Variants in C12orf42 observed in about 807,000 individuals in gnomAD.
C12orf42 encodes uncharacterized protein C12orf42.
A neutral mutation model predicts 21.6 loss-of-function variants in C12orf42; 25 were observed. That is an observed-to-expected ratio of 1.16 (90% CI 0.84 to 1.62). The LOEUF is 1.62. C12orf42 is among the 40% of genes most tolerant of loss of function. The pLI is 0.00. For missense variants in C12orf42, 483 were observed against 459.3 expected (o/e 1.05, Z -0.47); for synonymous variants, 174 against 175.0 (o/e 0.99, Z 0.05).
intron 5 of C12orf42, among the ~76,000 whole-genome samples, chr12:103,305,638 G>T (rs1025217970): frequency 3.3e-5 from 5 of 152,090 alleles, no homozygotes; most frequent in Non-Finnish European, 7.3e-5. Flanking sequence ...ATTATATGAG[G>T]ATTTCATAAA....
intron 3 of C12orf42, among the ~76,000 whole-genome samples, chr12:103,372,748 G>A (rs1035976863): frequency 6.6e-6 from 1 of 152,126 alleles, no homozygotes; most frequent in Non-Finnish European, 1.5e-5. Flanking sequence ...TAGGAAAACT[G>A]AGGCACCAAA....
At chr12:103,193,315 C>T in the C12orf42 span, among the ~76,000 whole-genome samples, 5 of 150,982 alleles carry the variant, frequency 3.3e-5, no homozygotes, top group Non-Finnish European at 5.9e-5. Context: ...TAAACAATCT[C>T]ATAGTTTACC....
At chr12:103,071,861 C>T in the C12orf42 span, among the ~76,000 whole-genome samples, 3 of 152,022 alleles carry the variant, frequency 2.0e-5, no homozygotes, top group African/African-American at 7.2e-5. Flanking sequence ...TCCACCCAGA[C>T]CAAAAATAGG....
At chr12:103,257,191 G>C (rs1458214403) in intron 10 of C12orf42, among the ~76,000 whole-genome samples, 1 of 152,060 alleles carries the variant, frequency 6.6e-6, no homozygotes, top group East Asian at 1.9e-4. Context: ...ACACACACTG[G>C]AGCCTTTCAA....
the C12orf42 span, among the ~76,000 whole-genome samples, chr12:103,165,765 G>A: frequency 6.6e-6 from 1 of 152,072 alleles, no homozygotes; most frequent in Non-Finnish European, 1.5e-5. Context: ...AACCAGGCCG[G>A]GCGCGGTGGC....
At chr12:103,218,188 G>A in the C12orf42 span, among the ~76,000 whole-genome samples, 1 of 151,664 alleles carries the variant, frequency 6.6e-6, no homozygotes, top group Non-Finnish European at 1.5e-5. Flanking sequence ...GCTGAGGCAG[G>A]AGAATCACTT....
chr12:103,451,286 G>A (rs1323503639), intron 2 of C12orf42, among the ~76,000 whole-genome samples: 2 of 152,102 alleles, frequency 1.3e-5, no homozygotes, highest in South Asian at 2.1e-4. Flanking sequence ...GAGCGCAGAA[G>A]CACAATCATA....
At chr12:103,261,497 A>AG (rs2034899771) in intron 10 of C12orf42, among the ~76,000 whole-genome samples, 1 of 149,380 alleles carries the variant, frequency 6.7e-6, no homozygotes, top group South Asian at 2.1e-4. Context: ...AAAAAAAAAA[A>AG]AGTATGGTTC....
chr12:103,331,295 A>C (rs1186532804), intron 4 of C12orf42, among the ~76,000 whole-genome samples: 1 of 152,230 alleles, frequency 6.6e-6, no homozygotes, highest in Admixed American at 6.5e-5. Context: ...TATTATGTCA[A>C]TATTGCCATG....
At chr12:103,283,534 C>A (rs1286838303) in intron 4 of C12orf42, among the ~76,000 whole-genome samples, 1 of 152,216 alleles carries the variant, frequency 6.6e-6, no homozygotes, top group Non-Finnish European at 1.5e-5. Flanking sequence ...ATCACAGTCC[C>A]TTCACTCCTT....
intron 4 of C12orf42, among the ~76,000 whole-genome samples, chr12:103,314,321 G>T (rs972963475): frequency 2.6e-5 from 4 of 152,132 alleles, no homozygotes; most frequent in African/African-American, 9.7e-5. Context: ...AATTTAGAAG[G>T]CAGCCGGCAG....
At chr12:103,349,102 CTTAG>C (rs948793169) in intron 4 of C12orf42, 7 of 152,282 alleles carry the variant, frequency 4.6e-5, no homozygotes, top group East Asian at 1.9e-4. Flanking sequence ...GGTCACATGA[CTTAG>C]TTAAAGTCTG....
At chr12:103,395,614 C>T (rs953036175) in intron 3 of C12orf42, among the ~76,000 whole-genome samples, 2 of 152,198 alleles carry the variant, frequency 1.3e-5, no homozygotes, top group Non-Finnish European at 2.9e-5. Flanking sequence ...GGATTACAGG[C>T]GTGAGCCACC....
At chr12:103,538,701 C>T in the C12orf42 span, among the ~76,000 whole-genome samples, 1 of 152,238 alleles carries the variant, frequency 6.6e-6, no homozygotes, top group Non-Finnish European at 1.5e-5. Flanking sequence ...TTTCTGAAAG[C>T]TAGTAATGGC....
chr12:103,548,059 A>G, the C12orf42 span: 3 of 152,252 alleles, frequency 2.0e-5, no homozygotes, highest in East Asian at 3.8e-4. Context: ...TGATGAAAAA[A>G]ATAAGGTTTT....
chr12:103,185,209 C>T, the C12orf42 span, among the ~76,000 whole-genome samples: 2 of 151,958 alleles, frequency 1.3e-5, no homozygotes, highest in Admixed American at 1.3e-4. Context: ...TTCTTCTGTC[C>T]CTCATTGGCT....
At chr12:103,363,600 ACTC>A in intron 4 of C12orf42, among the ~76,000 whole-genome samples, 1 of 152,008 alleles carries the variant, frequency 6.6e-6, no homozygotes, top group South Asian at 2.1e-4. Context: ...CCTTCAAGAG[ACTC>A]CCCTGACACA....
intron 2 of C12orf42, among the ~76,000 whole-genome samples, chr12:103,441,041 C>A (rs1951204799): frequency 6.6e-6 from 1 of 152,140 alleles, no homozygotes. Flanking sequence ...ATTTACCTAG[C>A]AAACAGTTAA....
At chr12:103,493,149 A>G (rs912014002) in intron 1 of C12orf42, among the ~76,000 whole-genome samples, 49 of 152,326 alleles carry the variant, frequency 3.2e-4, no homozygotes, top group African/African-American at 1.2e-3. Context: ...TGGTGATAAA[A>G]TATAAATTCA....
Sources: allele counts gnomAD v4.1 joint callset (sites outside exome capture counted in the v4.1 genomes callset), GRCh38; gene constraint gnomAD v4.1.1; transcripts MANE v1.5; gene names NCBI Gene and HGNC (gene_info 2026-07-23, HGNC 2026-07-21).